Variants in DPH6 observed in about 807,000 individuals in gnomAD.
DPH6 encodes the protein diphthine--ammonia ligase.
Under a neutral mutation model 38.2 loss-of-function variants are expected in DPH6, and 33 were observed. That is an observed-to-expected ratio of 0.86 (90% CI 0.65 to 1.15). DPH6 has a LOEUF of 1.15. Among genes scored for constraint, DPH6 ranks in the 50% most tolerant of loss-of-function variants. The pLI, the probability that DPH6 is intolerant of heterozygous loss-of-function variation, is 0.00. For synonymous variants in DPH6, 108 were observed against 103.0 expected, an observed-to-expected ratio of 1.05 and a Z score of -0.30; for missense variants, 325 against 320.0, an observed-to-expected ratio of 1.02 and a Z score of -0.12.
At chr15:35,359,329 G>T (rs1233818122) in intron 3 of DPH6, among the ~76,000 whole-genome samples, 6 of 152,176 alleles carry the variant, frequency 3.9e-5, no homozygotes, top group Non-Finnish European at 8.8e-5. Flanking sequence ...AAAGAAAAGG[G>T]CTTGGTTCTT....
chr15:35,390,481 A>G (rs1030977609), intron 6 of DPH6, among the ~76,000 whole-genome samples: 1 of 152,328 alleles, frequency 6.6e-6, no homozygotes, highest in East Asian at 1.9e-4. Context: ...AGGTACACCA[A>G]TTAGACGTAG....
the DPH6 span, chr15:35,181,730 G>A: frequency 2.0e-5 from 3 of 152,196 alleles, no homozygotes; most frequent in East Asian, 5.8e-4. Flanking sequence ...CACATAGAGA[G>A]AAATAGTGGA....
the DPH6 span, among the ~76,000 whole-genome samples, chr15:35,183,468 A>G: frequency 6.6e-6 from 1 of 152,234 alleles, no homozygotes. Flanking sequence ...GCAGAGCTAA[A>G]CGGTAACACT....
the DPH6 span, among the ~76,000 whole-genome samples, chr15:35,195,695 T>C: frequency 1.3e-5 from 2 of 152,306 alleles, no homozygotes; most frequent in African/African-American, 2.4e-5. Context: ...AAAAGTGCCC[T>C]GGCCATGCTG....
chr15:35,186,507 C>T, the DPH6 span, among the ~76,000 whole-genome samples: 87 of 152,272 alleles, frequency 5.7e-4, no homozygotes, highest in East Asian at 0.012. Context: ...TCTGTAAACA[C>T]GTTCACTGAT....
At chr15:35,489,262 C>T (rs993807531) in intron 3 of DPH6, 5 of 885,068 alleles carry the variant, frequency 5.6e-6, no homozygotes, top group Non-Finnish European at 5.4e-6. Context: ...ATCTGGGGAT[C>T]TGGGAAAACC....
chr15:35,220,234 A>T (rs2051434153), exon 4 of DPH6: 1 of 152,102 alleles, frequency 6.6e-6, no homozygotes, highest in African/African-American at 2.4e-5. Context: ...GGGCAGTTTT[A>T]CGTTTACAGA....
chr15:35,423,615 T>G (rs142439723), intron 5 of DPH6, among the ~76,000 whole-genome samples: 10 of 151,784 alleles, frequency 6.6e-5, no homozygotes, highest in African/African-American at 2.4e-4. Context: ...AAAATCATTG[T>G]CCAGTCCAAT....
chr15:35,374,108 T>C (rs2052749558), intron 7 of DPH6, among the ~76,000 whole-genome samples: 1 of 152,022 alleles, frequency 6.6e-6, no homozygotes, highest in African/African-American at 2.4e-5. Flanking sequence ...TTAAAATTGA[T>C]TGTCTGACAT....
chr15:35,314,554 G>A (rs2052171887), intron 3 of DPH6, among the ~76,000 whole-genome samples: 1 of 152,170 alleles, frequency 6.6e-6, no homozygotes, highest in South Asian at 2.1e-4. Flanking sequence ...GTTTCACAAA[G>A]GAGACAAGAG....
chr15:35,191,020 G>C, the DPH6 span, among the ~76,000 whole-genome samples: 6 of 152,212 alleles, frequency 3.9e-5, no homozygotes, highest in East Asian at 3.9e-4. Context: ...GAAGTGCTCA[G>C]CATGCCAAAT....
At chr15:35,279,048 CAAAAAAA>C (rs71123126) in intron 3 of DPH6, among the ~76,000 whole-genome samples, 6 of 70,666 alleles carry the variant, frequency 8.5e-5, no homozygotes, top group African/African-American at 3.3e-4. Flanking sequence ...GACTCTGTCT[CAAAAAAA>C]AAAAAAAAAA....
At chr15:35,251,172 T>TTTTC (rs754333671) in intron 3 of DPH6, among the ~76,000 whole-genome samples, 16 of 152,152 alleles carry the variant, frequency 1.1e-4, no homozygotes, top group Non-Finnish European at 2.2e-4. Context: ...GTTTCTCCAT[T>TTTTC]TTTCTTTCTT....
chr15:35,426,785 G>A (rs2053575127), intron 5 of DPH6, among the ~76,000 whole-genome samples: 1 of 150,668 alleles, frequency 6.6e-6, no homozygotes, highest in South Asian at 2.1e-4. Context: ...TTTCTAGGAA[G>A]ACATATAAGG....
intron 3 of DPH6, among the ~76,000 whole-genome samples, chr15:35,325,486 T>C (rs1007442649): frequency 4.6e-5 from 7 of 152,262 alleles, no homozygotes; most frequent in Non-Finnish European, 8.8e-5. Flanking sequence ...AGAATTATCC[T>C]TTACATCCAC....
intron 4 of DPH6, 111 bp from the exon 5 acceptor site, chr15:35,450,914 T>C: frequency 3.6e-6 from 3 of 822,168 alleles, no homozygotes; most frequent in South Asian, 1.9e-5. Flanking sequence ...GATTTTAGCA[T>C]TGAAAATGCT....
At chr15:35,177,580 CAAAAAAAAA>C in the DPH6 span, among the ~76,000 whole-genome samples, 5 of 60,256 alleles carry the variant, frequency 8.3e-5, no homozygotes, top group Non-Finnish European at 1.3e-4. Flanking sequence ...ATCCCATCTC[CAAAAAAAAA>C]AAAAAAAAAA....
chr15:35,380,096 G>A (rs1360045788), intron 7 of DPH6, among the ~76,000 whole-genome samples: 1 of 152,166 alleles, frequency 6.6e-6, no homozygotes, highest in Non-Finnish European at 1.5e-5. Flanking sequence ...CTTCCTTTGT[G>A]TTTACAAGGT....
chr15:35,401,654 C>G (rs1451485014), intron 6 of DPH6: 11 of 751,276 alleles, frequency 1.5e-5, no homozygotes, highest in Non-Finnish European at 2.7e-5. Flanking sequence ...ACTTTGGAGG[C>G]AGAAACTCTG....
Sources: gnomAD v4.1 joint callset for allele counts (sites outside exome capture counted in the v4.1 genomes callset) on GRCh38, gnomAD v4.1.1 for gene constraint, MANE v1.5 for transcripts, NCBI Gene and HGNC (gene_info 2026-07-23, HGNC 2026-07-21) for gene names.